ESR1: variants seen among roughly 807,000 people sequenced by gnomAD.
ESR1 encodes estrogen receptor 1.
ESR1 carries 12 observed loss-of-function variants against 52.7 expected under a neutral mutation model. The observed-to-expected ratio is 0.23, with a 90% CI of 0.15 to 0.37. The LOEUF is 0.37. Ranked by LOEUF, ESR1 falls within the 10% of genes least tolerant of loss-of-function variation. The probability of loss-of-function intolerance (pLI) is 1.00; values close to 1 mark genes in which losing one functional copy is unlikely to be tolerated. For missense variants in ESR1, 584 were observed against 779.7 expected (o/e 0.75, Z 2.99); for synonymous variants, 305 against 316.8 (o/e 0.96, Z 0.39).
intron 6 of ESR1, among the ~76,000 whole-genome samples, chr6:152,066,992 T>A (rs3778085): frequency 6.6e-6 from 1 of 152,116 alleles, no homozygotes; most frequent in African/African-American, 2.4e-5. Context: ...TGAGTGTTAC[T>A]AAGCTTTAGT....
intron 1 of ESR1, among the ~76,000 whole-genome samples, chr6:151,828,236 C>A (rs1781831276): frequency 6.6e-6 from 1 of 152,120 alleles, no homozygotes; most frequent in Non-Finnish European, 1.5e-5. Context: ...TCATTTGAAT[C>A]GAATTGAACT....
chr6:151,689,961 G>A (rs1478085917), upstream of ESR1, among the ~76,000 whole-genome samples: 1 of 152,108 alleles, frequency 6.6e-6, no homozygotes, highest in South Asian at 2.1e-4. Flanking sequence ...ATTGCTGCAG[G>A]AAATACCGGA....
intron 1 of ESR1, chr6:151,814,055 G>C (rs1429363903): frequency 6.6e-6 from 1 of 152,116 alleles, no homozygotes; most frequent in Non-Finnish European, 1.5e-5. Flanking sequence ...TCCATCCTTC[G>C]GTCCCGGGCT....
At chr6:152,046,290 A>C (rs1323296723) in intron 5 of ESR1, among the ~76,000 whole-genome samples, 1 of 152,212 alleles carries the variant, frequency 6.6e-6, no homozygotes, top group Non-Finnish European at 1.5e-5. Context: ...ACTATTTATT[A>C]ATAGAGTAGG....
At chr6:151,809,216 A>G in intron 1 of ESR1, 2 of 459,344 alleles carry the variant, frequency 4.4e-6, no homozygotes, top group East Asian at 7.3e-5. Context: ...GCCACTGTGG[A>G]AGGAGCGCGG....
intron 1 of ESR1, among the ~76,000 whole-genome samples, chr6:151,823,170 T>C (rs190830434): frequency 5.3e-5 from 8 of 152,356 alleles, no homozygotes; most frequent in Admixed American, 4.6e-4. Context: ...TTTTTGTTGG[T>C]TACATCTGGC....
upstream of ESR1, chr6:151,804,954 TC>T (rs1777637469): frequency 6.6e-6 from 1 of 152,224 alleles, no homozygotes; most frequent in Non-Finnish European, 1.5e-5. Context: ...TCGTTCCCAA[TC>T]ACGGTCAGTG....
chr6:151,965,078 A>G (rs2038127285), intron 4 of ESR1, among the ~76,000 whole-genome samples: 1 of 152,206 alleles, frequency 6.6e-6, no homozygotes, highest in Admixed American at 6.5e-5. Flanking sequence ...ACATTGTTAA[A>G]CAGTTTTGTG....
At chr6:151,702,687 TG>T (rs951795794) in intron 2 of ESR1, among the ~76,000 whole-genome samples, 3 of 152,244 alleles carry the variant, frequency 2.0e-5, no homozygotes, top group African/African-American at 7.2e-5. Context: ...CTTGTATTTG[TG>T]GTCACCAAGT....
chr6:151,761,880 C>T (rs946042554), intron 2 of ESR1, among the ~76,000 whole-genome samples: 4 of 152,188 alleles, frequency 2.6e-5, no homozygotes, highest in African/African-American at 9.7e-5. Context: ...ATTTCTTATT[C>T]AGTAGATCCA....
rs145207132 is a variant in ESR1, at chr6:151,958,768, A to G, written c.1096+14260A>G. Among the ~76,000 whole-genome samples the G allele has an allele frequency of 2.6e-5, 4 of 152,344 alleles. No homozygotes were observed. In the East Asian group the frequency reaches 5.8e-4, roughly 22 times the overall value. On this transcript the variant is annotated intron_variant, in intron 4 of 7. Coordinates refer to ENST00000206249, the MANE Select transcript of ESR1 (RefSeq NM_000125.4). ...GTGAGAGAACAACGTGGTTTTGAGT[A>G]CAAGTGGTGAACAGACATTGAATAG...
chr6:151,926,287 C>T (rs2032725086), intron 3 of ESR1, among the ~76,000 whole-genome samples: 1 of 152,144 alleles, frequency 6.6e-6, no homozygotes, highest in Non-Finnish European at 1.5e-5. Flanking sequence ...CCACCTTCTT[C>T]AGAATTTTGT....
chr6:152,076,133 A>G (rs1410925565), intron 6 of ESR1, among the ~76,000 whole-genome samples: 1 of 152,146 alleles, frequency 6.6e-6, no homozygotes, highest in African/African-American at 2.4e-5. Flanking sequence ...TTTCATCTTG[A>G]ATTTTACTCA....
At chr6:152,066,189 C>T (rs549852981) in intron 6 of ESR1, among the ~76,000 whole-genome samples, 1 of 152,184 alleles carries the variant, frequency 6.6e-6, no homozygotes, top group Non-Finnish European at 1.5e-5. Flanking sequence ...TGATCAGAAG[C>T]CACTCTCTGG....
chr6:152,125,435 A>G, exon 7 of ESR1: 1 of 1,464,838 alleles, frequency 6.8e-7, no homozygotes, highest in Non-Finnish European at 9.1e-7. Context: ...AGGCAGTTAC[A>G]TGACCATGGG....
Position 152,099,311 on chromosome 6 carries a change from C to T in ESR1, c.*345C>T. On this transcript the variant is annotated 3_prime_UTR_variant, in exon 8 of 8. Coordinates refer to ENST00000206249, the MANE Select transcript of ESR1 (RefSeq NM_000125.4). Reference sequence around the variant, plus strand: ...GTGCATTTAAGCTACTTGTAGAGACCCAGGCCTGGAGAGTAGACATTTTGC... The same window carrying T: ...GTGCATTTAAGCTACTTGTAGAGACTCAGGCCTGGAGAGTAGACATTTTGC... 1 of 434,464 alleles carries T rather than the reference C, an allele frequency of 2.3e-6. No homozygotes were observed. The highest frequency in any genetic ancestry group is 4.3e-6 in the Non-Finnish European group (1 of 233,046). 26.9% of individuals were successfully genotyped at this position (434,464 alleles called of 1,614,324 possible).
rs187564826 is a variant in ESR1, at chr6:152,101,252, A to G, written c.*2286A>G. 7.6e-4 allele frequency: 176 copies of G among 232,414 alleles called. No homozygotes were observed. Among genetic ancestry groups the G allele is most frequent in the Non-Finnish European group, 1.1e-3 (134 of 117,334 alleles). The allele number at this position is 232,414 out of a possible 1,614,324, so 14.4% of individuals were successfully genotyped here. Reference sequence around the variant, plus strand: ...AAGATTATGCCTGAAAAGGAAAATTATTCAGGGCAGCTAATTTTGCTTTTA... The same window carrying G: ...AAGATTATGCCTGAAAAGGAAAATTGTTCAGGGCAGCTAATTTTGCTTTTA... On this transcript the variant is annotated 3_prime_UTR_variant, in exon 8 of 8. Transcript: ENST00000206249.
intron 4 of ESR1, among the ~76,000 whole-genome samples, chr6:151,955,194 T>C (rs947393768): frequency 1.3e-5 from 2 of 152,158 alleles, no homozygotes; most frequent in Admixed American, 6.5e-5. Flanking sequence ...AAATGGTTAT[T>C]ATTGCCCAGT....
At chr6:151,693,037 C>T (rs919660554) in intron 1 of ESR1, among the ~76,000 whole-genome samples, 4 of 152,186 alleles carry the variant, frequency 2.6e-5, no homozygotes, top group Non-Finnish European at 5.9e-5. Flanking sequence ...TCTAGCTGTG[C>T]AATTTAGAGG....
Sources: allele counts gnomAD v4.1 joint callset (sites outside exome capture counted in the v4.1 genomes callset), GRCh38; gene constraint gnomAD v4.1.1; transcripts MANE v1.5; gene names NCBI Gene and HGNC (gene_info 2026-07-23, HGNC 2026-07-21).